The following PGM5 variants were observed in gnomAD, a reference collection of about 807,000 sequenced individuals.
The protein encoded by PGM5 is phosphoglucomutase-like protein 5.
A neutral mutation model predicts 59.2 loss-of-function variants in PGM5; 23 were observed. That is an observed-to-expected ratio of 0.39 (90% confidence interval 0.28 to 0.55). The LOEUF is 0.55. PGM5 is among the 20% of genes least tolerant of loss of function. The pLI is 0.66. For missense variants in PGM5, 574 were observed against 748.3 expected, an observed-to-expected ratio of 0.77 and a Z score of 2.72; for synonymous variants, 214 against 286.0, an observed-to-expected ratio of 0.75 and a Z score of 2.54.
chr9:68,447,486 A>G (rs1157207329), intron 6 of PGM5, among the ~76,000 whole-genome samples: 2 of 152,154 alleles, frequency 1.3e-5, no homozygotes, highest in Non-Finnish European at 2.9e-5. Context: ...GAGGCCTTGG[A>G]CAAGTCATAT....
chr9:68,360,769 AT>A (rs1478558232), intron 1 of PGM5, among the ~76,000 whole-genome samples: 8 of 152,190 alleles, frequency 5.3e-5, no homozygotes, highest in Non-Finnish European at 1.2e-4. Flanking sequence ...AGAAAATGAT[AT>A]TTTACCCCTA....
intron 5 of PGM5, among the ~76,000 whole-genome samples, chr9:68,392,116 G>A (rs1822379817): frequency 6.6e-6 from 1 of 152,126 alleles, no homozygotes; most frequent in Non-Finnish European, 1.5e-5. Flanking sequence ...ATTTCAACAG[G>A]TGGAACATAT....
intron 4 of PGM5, among the ~76,000 whole-genome samples, chr9:68,389,761 G>A (rs1822318732): frequency 6.6e-6 from 1 of 152,096 alleles, no homozygotes; most frequent in Non-Finnish European, 1.5e-5. Flanking sequence ...TAAACAGCTA[G>A]GAATGGGATT....
chr9:68,491,159 T>A (rs1289987131), intron 9 of PGM5, among the ~76,000 whole-genome samples: 1 of 152,250 alleles, frequency 6.6e-6, no homozygotes, highest in Non-Finnish European at 1.5e-5. Context: ...TTGAGATTCC[T>A]GTCTGCTGCT....
intron 1 of PGM5, among the ~76,000 whole-genome samples, chr9:68,364,462 C>T (rs1479858955): frequency 6.6e-6 from 1 of 152,012 alleles, no homozygotes; most frequent in East Asian, 2.0e-4. Context: ...TATCTCATCT[C>T]TAGAAGGGAG....
At chr9:68,444,270 C>T (rs538131644) in intron 6 of PGM5, among the ~76,000 whole-genome samples, 25 of 152,258 alleles carry the variant, frequency 1.6e-4, no homozygotes, top group East Asian at 9.7e-4. Flanking sequence ...CTGCAAGTCT[C>T]ACATCCTCTC....
At chr9:68,420,973 A>C (rs1823118916) in intron 6 of PGM5, among the ~76,000 whole-genome samples, 1 of 152,208 alleles carries the variant, frequency 6.6e-6, no homozygotes, top group Non-Finnish European at 1.5e-5. Flanking sequence ...CATAGATGTA[A>C]CTTGGGATGT....
intron 6 of PGM5, among the ~76,000 whole-genome samples, chr9:68,432,178 T>C (rs1200202250): frequency 6.6e-6 from 1 of 152,036 alleles, no homozygotes; most frequent in Non-Finnish European, 1.5e-5. Flanking sequence ...TTTATGTTGT[T>C]TTTTATTTAT....
rs2987664 is a variant in PGM5, at chr9:68,384,390, C to T, written c.425-8C>T. ...CAAAAACATGTATTTTTGGTGTTCA[C>T]ATTTTAGGTCCTGCACCCGATGTTG... On this transcript the variant is annotated splice_polypyrimidine_tract_variant and splice_region_variant and intron_variant, in intron 2 of 10. Coordinates refer to ENST00000396396, the MANE Select transcript of PGM5 (RefSeq NM_021965.4). 5.0e-6 allele frequency: 8 copies of T among 1,599,070 alleles called. No homozygotes were observed. Among genetic ancestry groups the T allele is most frequent in the Non-Finnish European group, 6.0e-6 (7 of 1,170,552 alleles).
intron 1 of PGM5, among the ~76,000 whole-genome samples, chr9:68,363,189 GTCT>G (rs1834614533): frequency 6.6e-6 from 1 of 152,180 alleles, no homozygotes; most frequent in South Asian, 2.1e-4. Context: ...TTTTTCTAAA[GTCT>G]TCTTTCTCTG....
intron 1 of PGM5, among the ~76,000 whole-genome samples, chr9:68,373,567 C>T (rs1821795044): frequency 6.6e-6 from 1 of 152,090 alleles, no homozygotes; most frequent in African/African-American, 2.4e-5. Flanking sequence ...AAGTCCTTGC[C>T]CCAAAGTGGA....
At chr9:68,421,583 G>A (rs1475287007) in intron 6 of PGM5, among the ~76,000 whole-genome samples, 1 of 152,028 alleles carries the variant, frequency 6.6e-6, no homozygotes, top group Admixed American at 6.6e-5. Flanking sequence ...CAGGCATGGT[G>A]GTGCGTGCCT....
intron 1 of PGM5, among the ~76,000 whole-genome samples, chr9:68,367,298 AC>A (rs146504871): frequency 0.072 from 10,983 of 151,704 alleles, 501 homozygotes; most frequent in Middle Eastern, 0.2. Context: ...TTAAGAGCAA[AC>A]CCTCTCCCCT....
intron 6 of PGM5, among the ~76,000 whole-genome samples, chr9:68,449,685 C>T (rs1823665392): frequency 6.6e-6 from 1 of 152,180 alleles, no homozygotes; most frequent in African/African-American, 2.4e-5. Context: ...TTACCCAAGT[C>T]CCCAAAGCTA....
chr9:68,382,010 C>G (rs1160919066), intron 2 of PGM5, among the ~76,000 whole-genome samples: 12 of 151,846 alleles, frequency 7.9e-5, no homozygotes, highest in African/African-American at 2.9e-4. Context: ...CAATAACATT[C>G]TTCATGGAAA....
intron 6 of PGM5, chr9:68,429,507 T>G (rs1823307221): frequency 6.6e-6 from 1 of 152,232 alleles, no homozygotes; most frequent in African/African-American, 2.4e-5. Context: ...TCCAATTTAA[T>G]ACTCTCCCTT....
chr9:68,385,531 T>A (rs1447684375), intron 3 of PGM5, among the ~76,000 whole-genome samples: 2 of 152,084 alleles, frequency 1.3e-5, no homozygotes, highest in African/African-American at 4.8e-5. Flanking sequence ...GCTTAGGTAA[T>A]GAGCAGAAAT....
intron 1 of PGM5, among the ~76,000 whole-genome samples, chr9:68,361,233 C>T (rs1249055892): frequency 1.3e-5 from 2 of 152,204 alleles, no homozygotes; most frequent in African/African-American, 4.8e-5. Flanking sequence ...TCAAGGGACA[C>T]ACATTGCATT....
In PGM5 at chr9:68,357,125, G is replaced by C. The variant is rs1554675767; in HGVS notation, c.-3G>C. 2 of 1,515,790 alleles carry C rather than the reference G, an allele frequency of 1.3e-6. No homozygotes were observed. Among genetic ancestry groups the C allele is most frequent in the East Asian group, 5.0e-5 (2 of 40,398 alleles). The allele number at this position is 1,515,790 out of a possible 1,614,324, so 93.9% of individuals were successfully genotyped here. A position where few individuals can be genotyped will look rare whatever the true frequency, so the allele number is the denominator to read the frequency against. On this transcript the variant is annotated 5_prime_UTR_variant, in exon 1 of 11. Transcript: ENST00000396396. The stretch of plus-strand genomic sequence containing the variant: ...GCCGCAGCAGGACCGGCCAGGAGGC[G>C]CCATGGAGGGGAGCCCCATCCCGGT...
Sources: allele counts gnomAD v4.1 joint callset (sites outside exome capture counted in the v4.1 genomes callset), GRCh38; gene constraint gnomAD v4.1.1; transcripts MANE v1.5; gene names NCBI Gene and HGNC (gene_info 2026-07-23, HGNC 2026-07-21).